Variants in TMEM132B observed in about 807,000 individuals in gnomAD.
TMEM132B encodes transmembrane protein 132B.
TMEM132B carries 18 observed loss-of-function variants against 90.8 expected under a neutral mutation model. The observed-to-expected ratio is 0.20, with a 90% CI of 0.14 to 0.29. TMEM132B has a LOEUF of 0.29. Ranked by LOEUF, TMEM132B falls within the 10% of genes least tolerant of loss-of-function variation. The probability of loss-of-function intolerance (pLI) is 1.00; values close to 1 mark genes in which losing one functional copy is unlikely to be tolerated. For missense variants in TMEM132B, 1,096 were observed against 1,326.8 expected, an observed-to-expected ratio of 0.83 and a Z score of 2.70; for synonymous variants, 504 against 523.3, an observed-to-expected ratio of 0.96 and a Z score of 0.50.
rs569411294 is a variant in TMEM132B, at chr12:125,350,516, A to G, written c.959+173A>G. Among the ~76,000 whole-genome samples the G allele has an allele frequency of 3.4e-4, 52 of 152,376 alleles. 1 individual carries two copies. Among genetic ancestry groups the G allele is most frequent in the Admixed American group, 2.7e-3 (42 of 15,310 alleles). On this transcript the variant is annotated intron_variant, in intron 2 of 8. Transcript: ENST00000682704. Reference sequence around the variant, plus strand: ...TCAGTAACTACGGACAGTAGGTAAAAGAGCTGAGCTTCATTACAATTTATG... The same window carrying G: ...TCAGTAACTACGGACAGTAGGTAAAGGAGCTGAGCTTCATTACAATTTATG...
At chr12:125,544,242 A>G (rs895127438) in intron 4 of TMEM132B, among the ~76,000 whole-genome samples, 1 of 152,182 alleles carries the variant, frequency 6.6e-6, no homozygotes, top group Non-Finnish European at 1.5e-5. Context: ...AATGCATGCC[A>G]GGCTTAAGGT....
At chr12:125,223,791 ATT>A (rs777288704) in intron 1 of TMEM132B, among the ~76,000 whole-genome samples, 3 of 148,448 alleles carry the variant, frequency 2.0e-5, no homozygotes, top group African/African-American at 7.4e-5. Context: ...TTTGTATAAT[ATT>A]TTTTTTTTTC....
chr12:125,405,966 G>T (rs1353365154), intron 2 of TMEM132B, among the ~76,000 whole-genome samples: 2 of 152,132 alleles, frequency 1.3e-5, no homozygotes, highest in Non-Finnish European at 2.9e-5. Context: ...TATCATCAAG[G>T]CATTTGGTAG....
intron 1 of TMEM132B, among the ~76,000 whole-genome samples, chr12:125,217,389 G>A (rs1873461607): frequency 6.6e-6 from 1 of 152,182 alleles, no homozygotes; most frequent in Admixed American, 6.5e-5. Context: ...TTCAGGGCCT[G>A]GGATGGGGTA....
At chr12:125,267,823 A>T (rs910493399) in intron 1 of TMEM132B, among the ~76,000 whole-genome samples, 5 of 151,250 alleles carry the variant, frequency 3.3e-5, no homozygotes, top group African/African-American at 9.7e-5. Context: ...ATTTTTTTTT[A>T]AAATGAGAAG....
At chr12:125,600,854 TA>T (rs1030754059) in intron 5 of TMEM132B, among the ~76,000 whole-genome samples, 7 of 151,712 alleles carry the variant, frequency 4.6e-5, no homozygotes, top group Non-Finnish European at 7.4e-5. Context: ...CCAACAAAGA[TA>T]AAAAAAAGAC....
In TMEM132B at chr12:125,194,204, T is replaced by G. The variant is rs537914788; in HGVS notation, c.67+7338T>G. On this transcript the variant is annotated intron_variant, in intron 1 of 8. Coordinates refer to ENST00000682704, the MANE Select transcript of TMEM132B (RefSeq NM_001366854.1). Reference sequence around the variant, plus strand: ...ATCAATACAGTCCAATTTGATTTGCTGTATTTTATTACTGAGGGTGATAGA... The same window carrying G: ...ATCAATACAGTCCAATTTGATTTGCGGTATTTTATTACTGAGGGTGATAGA... 5.3e-5 allele frequency among the ~76,000 whole-genome samples: 8 copies of G among 151,664 alleles called. No homozygotes were observed. The South Asian group carries it at 1.5e-3, about 28-fold the overall frequency.
chr12:125,337,596 C>G (rs979805955), intron 1 of TMEM132B, among the ~76,000 whole-genome samples: 1 of 152,178 alleles, frequency 6.6e-6, no homozygotes, highest in Non-Finnish European at 1.5e-5. Context: ...ATATGCAATA[C>G]GGTCGACGAG....
intron 5 of TMEM132B, among the ~76,000 whole-genome samples, chr12:125,631,439 C>A (rs1886366042): frequency 6.6e-6 from 1 of 152,084 alleles, no homozygotes; most frequent in Admixed American, 6.6e-5. Flanking sequence ...AATTCACATG[C>A]TCAGGAGAAG....
intron 1 of TMEM132B, among the ~76,000 whole-genome samples, chr12:125,346,258 T>C (rs1877358757): frequency 6.6e-6 from 1 of 152,224 alleles, no homozygotes; most frequent in Non-Finnish European, 1.5e-5. Context: ...TCTTAAAAGA[T>C]AAAGAAAACA....
Position 125,445,275 on chromosome 12 carries a change from G to A in TMEM132B, c.1106+29598G>A, listed in dbSNP as rs1880976075. On this transcript the variant is annotated intron_variant, in intron 3 of 8. Transcript: ENST00000682704. This position sits in a 1 kb window ranked among gnomAD's most constrained non-coding sequence, Gnocchi z 4.3. ...GGTTGACGAGGTGGGCTCTGGATCT[G>A]TGTCCTGACCCTATCACTAGAGACC... 6.6e-6 allele frequency among the ~76,000 whole-genome samples: 1 copy of A among 152,134 alleles called. No homozygotes were observed. The highest frequency in any genetic ancestry group is 6.5e-5 in the Admixed American group (1 of 15,272).
At chr12:125,605,927 T>A (rs576097177) in intron 5 of TMEM132B, among the ~76,000 whole-genome samples, 1 of 152,276 alleles carries the variant, frequency 6.6e-6, no homozygotes, top group South Asian at 2.1e-4. Context: ...TGATGATGTA[T>A]GATACATTGT....
chr12:125,503,771 G>A (rs996645424), intron 3 of TMEM132B, among the ~76,000 whole-genome samples: 4 of 152,210 alleles, frequency 2.6e-5, no homozygotes, highest in Non-Finnish European at 4.4e-5. Context: ...TATAATTGAT[G>A]TATCAGTCTG....
At chr12:125,318,174 A>T (rs1876336675) in intron 1 of TMEM132B, among the ~76,000 whole-genome samples, 1 of 100,842 alleles carries the variant, frequency 9.9e-6, no homozygotes, top group Admixed American at 1.1e-4. Context: ...GGCACTATAT[A>T]CTACAATAAA....
chr12:125,328,060 C>T (rs888224503), intron 1 of TMEM132B, among the ~76,000 whole-genome samples: 8 of 152,230 alleles, frequency 5.3e-5, no homozygotes, highest in Admixed American at 4.6e-4. Context: ...GCTGGGCCAT[C>T]GCATTCATTT....
rs1874205902 is a variant in TMEM132B, at chr12:125,246,305, CTCAAG to C, written c.67+59440_67+59444del. Among the ~76,000 whole-genome samples, 1 of 152,202 alleles carries C rather than the reference CTCAAG, an allele frequency of 6.6e-6. No individual in the cohort carries two copies. The highest frequency in any genetic ancestry group is 6.5e-5 in the Admixed American group (1 of 15,290). ...TCCCCGCCTTCCCTGCCACAGGGAACTCAAGCCGGTTTGGAGTTAGGGAGCAAGTT... is the reference window on the plus strand; with the variant it reads ...TCCCCGCCTTCCCTGCCACAGGGAACCCGGTTTGGAGTTAGGGAGCAAGTT... On this transcript the variant is annotated intron_variant, in intron 1 of 8. Coordinates refer to ENST00000682704, the MANE Select transcript of TMEM132B (RefSeq NM_001366854.1). The surrounding 1 kb of genome is among the most constrained non-coding windows in gnomAD (Gnocchi z 4.2).
At chr12:125,290,025 G>T (rs1423744374) in intron 1 of TMEM132B, among the ~76,000 whole-genome samples, 1 of 152,154 alleles carries the variant, frequency 6.6e-6, no homozygotes, top group Non-Finnish European at 1.5e-5. Context: ...TACCATGTCA[G>T]CAAGAGGAAG....
At chr12:125,196,762 A>C (rs942976619) in intron 1 of TMEM132B, among the ~76,000 whole-genome samples, 9 of 152,174 alleles carry the variant, frequency 5.9e-5, no homozygotes, top group Non-Finnish European at 1.3e-4. Context: ...TCATGAGATG[A>C]TAGTTGTGGA....
intron 3 of TMEM132B, among the ~76,000 whole-genome samples, chr12:125,505,913 A>G (rs1327008822): frequency 6.6e-6 from 1 of 152,228 alleles, no homozygotes; most frequent in African/African-American, 2.4e-5. Context: ...AGAAAAAGGA[A>G]AAGGGACAGA....
Sources: gnomAD v4.1 joint callset for allele counts (sites outside exome capture counted in the v4.1 genomes callset) on GRCh38, gnomAD v4.1.1 for gene constraint, Gnocchi (gnomAD v3.1) non-coding constraint, MANE v1.5 for transcripts, NCBI Gene and HGNC (gene_info 2026-07-23, HGNC 2026-07-21) for gene names.